ZNF528: variants seen among roughly 807,000 people sequenced by gnomAD.
The protein encoded by ZNF528 is zinc finger protein 528.
Under a neutral mutation model 13.3 loss-of-function variants are expected in ZNF528, and 9 were observed. The ratio of observed to expected loss-of-function variants is 0.67; its 90% CI spans 0.41 to 1.18. ZNF528 has a LOEUF of 1.18. Ranked by LOEUF, ZNF528 falls within the 50% of genes most tolerant of loss-of-function variation. ZNF528 has a pLI of 0.01. For missense variants in ZNF528, 858 were observed against 745.4 expected, an observed-to-expected ratio of 1.15 and a Z score of -1.76; for synonymous variants, 264 against 254.3, an observed-to-expected ratio of 1.04 and a Z score of -0.36.
chr19:52,414,594 T>G, intron 6 of ZNF528: 1 of 443,012 alleles, frequency 2.3e-6, no homozygotes. Flanking sequence ...AGGGAGTGAT[T>G]ACCTTCAGCA....
rs1196019655 is a variant in ZNF528 at position 52,416,113 on chromosome 19, A to C, written c.1261A>C (p.Lys421Gln). The change falls in exon 7 of 7, where the codon AAA (lysine) becomes CAA (glutamine). Residue 421 changes from lysine to glutamine, a missense_variant. Lys to Gln is a moderately conservative substitution (Grantham distance 53). Transcript: ENST00000360465. ...TCAGTGTGGCAAGATCTTTAGTCAGAAATCAGACCTTATACGACATCGAAA... is the reference window on the plus strand; with the variant it reads ...TCAGTGTGGCAAGATCTTTAGTCAGCAATCAGACCTTATACGACATCGAAA... The part of the protein sequence containing the change: ...CSQCGKIFSQ[K>Q]SDLIRHRKTH... The C allele has an allele frequency of 1.7e-5, 27 of 1,614,084 alleles. No individual in the cohort carries two copies. Among genetic ancestry groups the C allele is most frequent in the Non-Finnish European group, 2.3e-5 (27 of 1,180,042 alleles).
chr19:52,413,964 T>G, intron 6 of ZNF528: 1 of 439,910 alleles, frequency 2.3e-6, no homozygotes, highest in South Asian at 2.8e-5. Flanking sequence ...CTGCAGAAGC[T>G]TAATGTCTGT....
chr19:52,414,955 A>G (rs571525666), intron 6 of ZNF528, 169 bp from the exon 7 acceptor site: 51 of 1,533,794 alleles, frequency 3.3e-5, no homozygotes, highest in East Asian at 2.7e-4. Context: ...CACTGCTCCA[A>G]TGCATCACCT....
chr19:52,409,377 C>G (rs545425257), intron 6 of ZNF528, among the ~76,000 whole-genome samples: 1 of 150,374 alleles, frequency 6.7e-6, no homozygotes, highest in East Asian at 2.0e-4. Flanking sequence ...GATATTGGCT[C>G]ACTGCAGCCT....
Position 52,402,062 on chromosome 19 carries a change from C to G in ZNF528, c.15+34C>G, listed in dbSNP as rs780474977. ...ATGTTCTCAGTGGATTGTTCTGTCT[C>G]TGTTTCTTCCTGAAATGCCAGGCAT... On this transcript the variant is annotated intron_variant, in intron 4 of 6. Coordinates refer to ENST00000360465, the MANE Select transcript of ZNF528 (RefSeq NM_032423.3). The G allele has an allele frequency of 6.8e-6, 11 of 1,613,978 alleles. No homozygotes were observed. In the African/African-American group the frequency reaches 9.3e-5, roughly 14 times the overall value.
intron 6 of ZNF528, chr19:52,411,788 A>C (rs2058934295): frequency 6.6e-6 from 1 of 152,186 alleles, no homozygotes; most frequent in African/African-American, 2.4e-5. Context: ...GTCCTTCAAC[A>C]TTTCAAATCC....
In ZNF528 at chr19:52,405,997, G is replaced by A. The variant is rs753443394; in HGVS notation, c.106G>A (p.Val36Met). 3.7e-6 allele frequency: 6 copies of A among 1,611,432 alleles called. No homozygotes were observed. The highest frequency in any genetic ancestry group is 1.1e-5 in the South Asian group (1 of 91,068). The stretch of plus-strand genomic sequence containing the variant: ...TGCGCAGAGGACTTTATACAGGGAC[G>A]TGATGTTGGAGAATTATAGGAACCT... Reference protein sequence around the residue: ...DPAQRTLYRDVMLENYRNLVS... With the variant: ...DPAQRTLYRDMMLENYRNLVS... Residue 36 changes from valine to methionine, a missense_variant, in exon 5 of 7, where the codon GTG becomes ATG. Transcript: ENST00000360465.
chr19:52,397,876 G>T lies in ZNF528; in HGVS notation c.-418G>T, dbSNP rs543001028. ...TTTCCGGTAGACCCGGAAGCCGATT[G>T]CAGGGAGAAACTGTTTTCGCAGCAG... On this transcript the variant is annotated 5_prime_UTR_variant, in exon 1 of 7. Coordinates refer to ENST00000360465, the MANE Select transcript of ZNF528 (RefSeq NM_032423.3). The T allele has an allele frequency of 6.6e-6, 1 of 152,362 alleles. No individual in the cohort carries two copies. The highest frequency in any genetic ancestry group is 2.1e-4 in the South Asian group (1 of 4,834). 9.4% of individuals were successfully genotyped at this position (152,362 alleles called of 1,614,324 possible).
chr19:52,400,523 T>C (rs535791184), intron 2 of ZNF528, among the ~76,000 whole-genome samples: 18 of 152,172 alleles, frequency 1.2e-4, no homozygotes, highest in African/African-American at 4.3e-4. Flanking sequence ...GTTATTTATT[T>C]ATTCATTTAA....
intron 6 of ZNF528, among the ~76,000 whole-genome samples, chr19:52,407,470 G>T (rs1489174947): frequency 6.6e-6 from 1 of 151,934 alleles, no homozygotes; most frequent in Admixed American, 6.6e-5. Context: ...AAATATTTGT[G>T]GATCTTTAAG....
intron 6 of ZNF528, among the ~76,000 whole-genome samples, chr19:52,408,040 C>T (rs963694489): frequency 6.6e-6 from 1 of 152,150 alleles, no homozygotes; most frequent in East Asian, 1.9e-4. Context: ...TAAATGTTAA[C>T]AGCTTATCTT....
In ZNF528 at chr19:52,416,064, TAG is replaced by T. The variant is rs766785323; in HGVS notation, c.1220_1221del (p.Arg407ThrfsTer12). 2 of 1,614,004 alleles carry T rather than the reference TAG, an allele frequency of 1.2e-6. No individual in the cohort carries two copies. Reference protein sequence around the residue: ...FLTSHQRIHTRERPYGCSQCG... With the variant: ...FLTSHQRIHTXERPYGCSQCG... Reference sequence around the variant, plus strand: ...TGACCTCTCATCAGAGAATTCATACTAGAGAGAGACCTTATGGATGCAGTCAG... The same window carrying T: ...TGACCTCTCATCAGAGAATTCATACTAGAGAGACCTTATGGATGCAGTCAG... On this transcript the variant is annotated frameshift_variant, in exon 7 of 7. Coordinates refer to ENST00000360465, the MANE Select transcript of ZNF528 (RefSeq NM_032423.3). LOFTEE classifies it low-confidence loss of function (END_TRUNC).
intron 6 of ZNF528, chr19:52,414,000 T>G: frequency 1.9e-6 from 1 of 524,536 alleles, no homozygotes; most frequent in South Asian, 2.3e-5. Context: ...CCAGGCTGTC[T>G]CAATAGAACT....
rs761347045 is a variant in ZNF528 at position 52,415,555 on chromosome 19, C to T, written c.703C>T (p.His235Tyr). The T allele has an allele frequency of 3.1e-6, 5 of 1,614,154 alleles. No homozygotes were observed. Among genetic ancestry groups the T allele is most frequent in the Non-Finnish European group, 3.4e-6 (4 of 1,180,034 alleles). Reference sequence around the variant, plus strand: ...AAAGCTTGTGATACATCGAAGAATGCATACTGGAGAGAAGCCTTACAAATG... The same window carrying T: ...AAAGCTTGTGATACATCGAAGAATGTATACTGGAGAGAAGCCTTACAAATG... ...SSKLVIHRRM[H>Y]TGEKPYKCHE... Residue 235 changes from histidine to tyrosine, a missense_variant, in exon 7 of 7, where the codon CAT (histidine) becomes TAT (tyrosine). Physicochemically the swap from His to Tyr is moderately conservative, Grantham distance 83 (BLOSUM62 2). Coordinates refer to ENST00000360465, the MANE Select transcript of ZNF528 (RefSeq NM_032423.3).
rs1302500710 is a variant in ZNF528, at chr19:52,398,637, A to T, written c.-137+18A>T. The T allele has an allele frequency of 2.1e-5, 21 of 984,546 alleles. No homozygotes were observed. Among genetic ancestry groups the T allele is most frequent in the African/African-American group, 3.5e-5 (2 of 57,238 alleles). 61.0% of individuals were successfully genotyped at this position (984,546 alleles called of 1,614,324 possible). On this transcript the variant is annotated intron_variant, in intron 2 of 6. Coordinates refer to ENST00000360465, the MANE Select transcript of ZNF528 (RefSeq NM_032423.3). ...AGTAGAAGGTGAGTGAGGGGTTTGC[A>T]GAGGCACAGTGAAAGAAGGTGCCGA...
intron 6 of ZNF528, among the ~76,000 whole-genome samples, chr19:52,409,274 G>A (rs1307585971): frequency 6.7e-6 from 1 of 149,292 alleles, no homozygotes; most frequent in Non-Finnish European, 1.5e-5. Context: ...ATGTATTTGG[G>A]TTAATTTTAA....
intron 6 of ZNF528, among the ~76,000 whole-genome samples, chr19:52,409,390 A>C (rs1026112408): frequency 6.8e-6 from 1 of 147,482 alleles, no homozygotes; most frequent in African/African-American, 2.5e-5. Context: ...TGCAGCCTCC[A>C]CCTCCCGGGT....
Position 52,415,313 on chromosome 19 carries a change from G to A in ZNF528, c.461G>A (p.Ser154Asn). 2 of 1,612,688 alleles carry A rather than the reference G, an allele frequency of 1.2e-6. No homozygotes were observed. Among genetic ancestry groups the A allele is most frequent in the Non-Finnish European group, 1.7e-6 (2 of 1,179,596 alleles). ...SVSPLEKISSSVKSHLLNKYR... is the reference protein window; with the variant it reads ...SVSPLEKISSNVKSHLLNKYR... ...TCACCGCTTGAAAAAATTTCTTCCA[G>A]TGTCAAATCCCACCTTTTAAATAAA... The change falls in exon 7 of 7, where the codon AGT (serine) becomes AAT (asparagine). Residue 154 changes from serine (S) to asparagine (N), a missense_variant. Transcript: ENST00000360465.
In ZNF528 at chr19:52,398,583, A is replaced by G. The variant is rs1285538786; in HGVS notation, c.-173A>G. ...TAGAGAAATTTTGAAAGAGAAATGA[A>G]GAATGAGAGACCCATTAACAGAAGG... On this transcript the variant is annotated 5_prime_UTR_variant, in exon 2 of 7. Transcript: ENST00000360465. The G allele has an allele frequency of 1.0e-6, 1 of 985,372 alleles. No homozygotes were observed. Among genetic ancestry groups the G allele is most frequent in the East Asian group, 1.1e-4 (1 of 8,820 alleles). The allele number at this position is 985,372 out of a possible 1,614,324, so 61.0% of individuals were successfully genotyped here.
Sources: allele counts gnomAD v4.1 joint callset (sites outside exome capture counted in the v4.1 genomes callset), GRCh38; gene constraint gnomAD v4.1.1; transcripts MANE v1.5; gene names NCBI Gene and HGNC (gene_info 2026-07-23, HGNC 2026-07-21).